MITF: variants seen among roughly 807,000 people sequenced by gnomAD.
The protein encoded by MITF is microphthalmia-associated transcription factor.
In MITF, 17 loss-of-function variants were observed where a neutral mutation model predicts 60.5. The ratio of observed to expected loss-of-function variants is 0.28; its 90% CI spans 0.19 to 0.42. The LOEUF (loss-of-function observed/expected upper bound fraction) is 0.42. MITF is among the 10% of genes least tolerant of loss of function. MITF has a pLI of 1.00. For synonymous variants in MITF, 260 were observed against 248.5 expected (o/e 1.05, Z -0.43); for missense variants, 622 against 683.5 (o/e 0.91, Z 1.00).
At chr3:69,754,008 C>G (rs1704033848) in intron 1 of MITF, among the ~76,000 whole-genome samples, 2 of 151,990 alleles carry the variant, frequency 1.3e-5, no homozygotes, top group South Asian at 4.2e-4. Context: ...TTTGGGGGAC[C>G]AGGGGTAGAA....
chr3:69,941,582 A>G (rs956609234), intron 5 of MITF, among the ~76,000 whole-genome samples: 12 of 152,160 alleles, frequency 7.9e-5, no homozygotes, highest in Non-Finnish European at 1.8e-4. Flanking sequence ...TTGATAGGGC[A>G]TTAGCCCTTC....
chr3:69,888,876 G>T (rs572472560), intron 2 of MITF, among the ~76,000 whole-genome samples: 1 of 151,738 alleles, frequency 6.6e-6, no homozygotes, highest in Non-Finnish European at 1.5e-5. Flanking sequence ...GAGAAAAGGG[G>T]AACAAATTTA....
Position 69,887,663 on chromosome 3 carries a change from G to T in MITF, c.354+8280G>T, listed in dbSNP as rs938481647. ...TAAAGGAGAGAATGGTCCTAAAAAA[G>T]AAATTGTTTTAATTACTCTTTTTAA... On this transcript the variant is annotated intron_variant, in intron 2 of 9. Coordinates refer to ENST00000352241, the MANE Select transcript of MITF (RefSeq NM_001354604.2). Among the ~76,000 whole-genome samples the T allele has an allele frequency of 7.9e-5, 12 of 152,126 alleles. No individual in the cohort carries two copies. In the South Asian group the frequency reaches 1.2e-3, roughly 16 times the overall value.
chr3:69,757,234 A>G (rs1387441380), intron 1 of MITF, among the ~76,000 whole-genome samples: 2 of 152,104 alleles, frequency 1.3e-5, no homozygotes, highest in Non-Finnish European at 2.9e-5. Flanking sequence ...CAGAATCCAT[A>G]TATATATATT....
intron 5 of MITF, among the ~76,000 whole-genome samples, chr3:69,948,021 T>G (rs111966753): frequency 6.6e-6 from 1 of 152,326 alleles, no homozygotes; most frequent in Non-Finnish European, 1.5e-5. Flanking sequence ...GCTTTCTGAA[T>G]GTACTTTTCT....
rs201813287 is a variant in MITF, at chr3:69,754,626, T to TC, written c.104+14925_104+14926insC. Among the ~76,000 whole-genome samples the TC allele has an allele frequency of 2.5e-3, 337 of 135,998 alleles. 1 individual carries two copies. Among genetic ancestry groups the TC allele is most frequent in the Non-Finnish European group, 3.6e-3 (230 of 64,490 alleles). 89.2% of individuals were successfully genotyped at this position (135,998 alleles called of 152,430 possible). On this transcript the variant is annotated intron_variant, in intron 1 of 9. Coordinates refer to ENST00000352241, the MANE Select transcript of MITF (RefSeq NM_001354604.2). ...GAACAGTGAACCAATTACATCTCTC[T>TC]TTTTTTTTTTTTTGAAATAAATTAC...
At chr3:69,816,337 T>TC (rs1313683407) in intron 1 of MITF, among the ~76,000 whole-genome samples, 1 of 152,178 alleles carries the variant, frequency 6.6e-6, no homozygotes, top group Non-Finnish European at 1.5e-5. Context: ...TCAGGTTCCT[T>TC]CTCTCTGCTG....
intron 2 of MITF, among the ~76,000 whole-genome samples, chr3:69,917,376 CTTTTT>C (rs3044646): frequency 3.5e-5 from 4 of 113,298 alleles, no homozygotes; most frequent in Admixed American, 9.6e-5. Context: ...CAGTTGCCTC[CTTTTT>C]TTTTTTTTTT....
intron 1 of MITF, among the ~76,000 whole-genome samples, chr3:69,841,221 C>G (rs2107140235): frequency 6.6e-6 from 1 of 152,298 alleles, no homozygotes; most frequent in Middle Eastern, 3.4e-3. Context: ...AATCCATATT[C>G]ACACATACAA....
At chr3:69,907,031 C>T (rs2065114850) in intron 2 of MITF, among the ~76,000 whole-genome samples, 1 of 152,056 alleles carries the variant, frequency 6.6e-6, no homozygotes, top group Non-Finnish European at 1.5e-5. Context: ...CACCATAAAT[C>T]CTTGTTTTGC....
At chr3:69,906,482 G>C (rs1304839195) in intron 2 of MITF, among the ~76,000 whole-genome samples, 1 of 152,064 alleles carries the variant, frequency 6.6e-6, no homozygotes, top group Non-Finnish European at 1.5e-5. Flanking sequence ...CTGAAACTTT[G>C]CTTTGTTGCT....
At chr3:69,951,307 T>A (rs1401469404) in intron 6 of MITF, among the ~76,000 whole-genome samples, 1 of 151,986 alleles carries the variant, frequency 6.6e-6, no homozygotes, top group Non-Finnish European at 1.5e-5. Flanking sequence ...CTTGAACTCC[T>A]GGGCTCAAGT....
intron 1 of MITF, among the ~76,000 whole-genome samples, chr3:69,778,493 T>G (rs1400329352): frequency 5.9e-5 from 9 of 152,186 alleles, no homozygotes; most frequent in African/African-American, 2.2e-4. Flanking sequence ...TGCCGTTGTT[T>G]AGTGGCTCCA....
chr3:69,904,954 T>A (rs2065066353), intron 2 of MITF, among the ~76,000 whole-genome samples: 1 of 152,168 alleles, frequency 6.6e-6, no homozygotes, highest in African/African-American at 2.4e-5. Context: ...TAGCTATTTC[T>A]TATTATTTTT....
At chr3:69,909,869 G>A (rs991767652) in intron 2 of MITF, among the ~76,000 whole-genome samples, 5 of 152,202 alleles carry the variant, frequency 3.3e-5, no homozygotes, top group African/African-American at 9.6e-5. Context: ...GCAGCCTGAT[G>A]ATGCAGTAGA....
chr3:69,887,002 T>C (rs568929185), intron 2 of MITF, among the ~76,000 whole-genome samples: 8 of 152,120 alleles, frequency 5.3e-5, no homozygotes, highest in Non-Finnish European at 1.2e-4. Flanking sequence ...ACTTTTGATA[T>C]CAATTTTCTT....
chr3:69,804,928 A>G (rs1327584366), intron 1 of MITF, among the ~76,000 whole-genome samples: 30 of 152,234 alleles, frequency 2.0e-4, no homozygotes. Context: ...ACATTAAGGT[A>G]TAGATAGAGG....
chr3:69,786,682 C>T (rs1173999573), intron 1 of MITF, among the ~76,000 whole-genome samples: 1 of 151,904 alleles, frequency 6.6e-6, no homozygotes, highest in African/African-American at 2.4e-5. Flanking sequence ...GACGTGTTTG[C>T]TTGTATGGGC....
chr3:69,883,802 A>G (rs1287235641), intron 2 of MITF, among the ~76,000 whole-genome samples: 1 of 152,148 alleles, frequency 6.6e-6, no homozygotes, highest in African/African-American at 2.4e-5. Context: ...TGCTATGTCT[A>G]AGATTTCTTC....
Sources: gnomAD v4.1 joint callset for allele counts (sites outside exome capture counted in the v4.1 genomes callset) on GRCh38, gnomAD v4.1.1 for gene constraint, MANE v1.5 for transcripts, NCBI Gene and HGNC (gene_info 2026-07-23, HGNC 2026-07-21) for gene names.